NAV2: variants seen among roughly 807,000 people sequenced by gnomAD.
The protein encoded by NAV2 is neuron navigator 2.
In NAV2, 54 loss-of-function variants were observed where a neutral mutation model predicts 223.2. The observed-to-expected ratio is 0.24, with a 90% CI of 0.19 to 0.30. The LOEUF (loss-of-function observed/expected upper bound fraction) is 0.30. NAV2 is among the 10% of genes least tolerant of loss of function. The probability of loss-of-function intolerance (pLI) is 1.00; values close to 1 mark genes in which losing one functional copy is unlikely to be tolerated. For synonymous variants in NAV2, 1,279 were observed against 1,239.3 expected, an observed-to-expected ratio of 1.03 and a Z score of -0.67; for missense variants, 2,806 against 3,147.5, an observed-to-expected ratio of 0.89 and a Z score of 2.60.
chr11:19,739,738 T>C, intron 1 of NAV2, among the ~76,000 whole-genome samples: 1 of 152,208 alleles, frequency 6.6e-6, no homozygotes, highest in East Asian at 1.9e-4. Context: ...AACCTCTCTT[T>C]TGCTGGAGTC....
intron 6 of NAV2, among the ~76,000 whole-genome samples, chr11:19,920,738 C>T (rs2044209548): frequency 6.6e-6 from 1 of 152,148 alleles, no homozygotes; most frequent in Non-Finnish European, 1.5e-5. Context: ...TGGACTTGAA[C>T]CCATTCACAA....
At chr11:19,377,517 A>T (rs1407139852) in intron 1 of NAV2, among the ~76,000 whole-genome samples, 1 of 152,016 alleles carries the variant, frequency 6.6e-6, no homozygotes, top group Non-Finnish European at 1.5e-5. Flanking sequence ...CTCTCTCTCC[A>T]CTTGGCCATA....
At chr11:20,055,403 G>T (rs1376981349) in intron 18 of NAV2, among the ~76,000 whole-genome samples, 1 of 152,170 alleles carries the variant, frequency 6.6e-6, no homozygotes, top group Non-Finnish European at 1.5e-5. Context: ...ATGCACAAAT[G>T]CTTCCCATCT....
chr11:19,450,196 C>A (rs562741537), intron 1 of NAV2, among the ~76,000 whole-genome samples: 33 of 152,270 alleles, frequency 2.2e-4, no homozygotes, highest in African/African-American at 7.2e-4. Context: ...ATTTTTAAAA[C>A]CCCTCTTCTG....
At position 20,049,829 on chromosome 11, in the gene NAV2, C is replaced by A; in HGVS notation, c.4371-7C>A. Reference sequence around the variant, plus strand: ...TTCTCTTGTTTTCTACCTGCCTGGACTTCTAGCCCTCTCTCTTCCCCTGCT... The same window carrying A: ...TTCTCTTGTTTTCTACCTGCCTGGAATTCTAGCCCTCTCTCTTCCCCTGCT... On this transcript the variant is annotated splice_polypyrimidine_tract_variant and splice_region_variant and intron_variant, in intron 15 of 37. Transcript: ENST00000349880. The A allele has an allele frequency of 6.2e-7, 1 of 1,613,944 alleles. No individual in the cohort carries two copies. Among genetic ancestry groups the A allele is most frequent in the Non-Finnish European group, 8.5e-7 (1 of 1,179,836 alleles).
chr11:19,751,127 A>G (rs1439758869), intron 1 of NAV2, among the ~76,000 whole-genome samples: 9 of 152,198 alleles, frequency 5.9e-5, no homozygotes, highest in African/African-American at 1.7e-4. Flanking sequence ...AAATCAGAGC[A>G]TTTCTTTATC....
At chr11:19,402,721 G>A (rs574257068) in intron 1 of NAV2, among the ~76,000 whole-genome samples, 1 of 152,302 alleles carries the variant, frequency 6.6e-6, no homozygotes, top group African/African-American at 2.4e-5. Context: ...ATCTGTCCAT[G>A]TATACTCTTG....
chr11:19,698,827 AG>A (rs2049423017), intron 1 of NAV2, among the ~76,000 whole-genome samples: 1 of 152,110 alleles, frequency 6.6e-6, no homozygotes, highest in African/African-American at 2.4e-5. Flanking sequence ...TGAGAGAGAG[AG>A]AGTGTGTGTG....
rs139080046 is a variant in NAV2, at chr11:19,895,848, C to T, written c.931+3254C>T. On this transcript the variant is annotated intron_variant, in intron 6 of 37. Transcript: ENST00000349880. Reference sequence around the variant, plus strand: ...CTTGAGTCTGACCTGTTGATTGCAGCTCCTGAGGTAGCCAGCCCACATGCA... The same window carrying T: ...CTTGAGTCTGACCTGTTGATTGCAGTTCCTGAGGTAGCCAGCCCACATGCA... Among the ~76,000 whole-genome samples, 9 of 152,274 alleles carry T rather than the reference C, an allele frequency of 5.9e-5. No individual in the cohort carries two copies. In the East Asian group the frequency reaches 1.5e-3, roughly 26 times the overall value.
intron 7 of NAV2, among the ~76,000 whole-genome samples, chr11:19,936,477 G>A (rs1440140196): frequency 1.3e-5 from 2 of 152,164 alleles, no homozygotes; most frequent in Admixed American, 6.5e-5. Flanking sequence ...AGAGGAAAAC[G>A]TCTATGATGT....
At chr11:19,899,930 G>A (rs1210339994) in intron 6 of NAV2, among the ~76,000 whole-genome samples, 2 of 152,156 alleles carry the variant, frequency 1.3e-5, no homozygotes, top group Non-Finnish European at 2.9e-5. Context: ...CTGTGGTGGG[G>A]TAGGGCCTCC....
At chr11:19,626,571 A>G (rs561874274) in intron 1 of NAV2, among the ~76,000 whole-genome samples, 6 of 152,244 alleles carry the variant, frequency 3.9e-5, no homozygotes, top group African/African-American at 1.2e-4. Flanking sequence ...GAAGAATGTC[A>G]TTGGTATTTT....
chr11:19,892,677 T>A, intron 6 of NAV2, 83 bp downstream of exon 6: 1 of 1,452,404 alleles, frequency 6.9e-7, no homozygotes, highest in East Asian at 2.4e-5. Context: ...TTGGGTTGGG[T>A]CATGGGGAGG....
In NAV2 at chr11:20,026,301, A is replaced by T. The variant is rs181645139; in HGVS notation, c.2769-9658A>T. 1.3e-3 allele frequency among the ~76,000 whole-genome samples: 193 copies of T among 151,718 alleles called. 2 individuals are homozygous for T. Among genetic ancestry groups the T allele is most frequent in the African/African-American group, 2.4e-3 (98 of 41,380 alleles). ...GGTGGCTTGCTTATAGTTTTTTTTT[A>T]AATTTATTTTTTATTTTTATTTTTT... On this transcript the variant is annotated intron_variant, in intron 11 of 37. Coordinates refer to ENST00000349880, the MANE Select transcript of NAV2 (RefSeq NM_145117.5).
At chr11:20,005,449 T>A (rs1001762432) in intron 11 of NAV2, among the ~76,000 whole-genome samples, 4 of 151,896 alleles carry the variant, frequency 2.6e-5, no homozygotes, top group African/African-American at 7.3e-5. Flanking sequence ...TTTCACCTTG[T>A]TAGCCAAGCT....
At chr11:19,824,945 C>T (rs2059571271) in intron 1 of NAV2, among the ~76,000 whole-genome samples, 3 of 152,146 alleles carry the variant, frequency 2.0e-5, no homozygotes, top group South Asian at 4.1e-4. Context: ...ATTTTTTATA[C>T]TCCAGAGCAT....
chr11:20,005,253 A>ATATTTTTTTTTTT (rs1277010848), intron 11 of NAV2, among the ~76,000 whole-genome samples: 1 of 134,544 alleles, frequency 7.4e-6, no homozygotes, highest in Non-Finnish European at 1.6e-5. Flanking sequence ...ATATATATAT[A>ATATTTTTTTTTTT]TTTTTTTTTT....
intron 3 of NAV2, among the ~76,000 whole-genome samples, chr11:19,860,896 C>T (rs1237397167): frequency 5.4e-5 from 8 of 148,316 alleles, no homozygotes; most frequent in East Asian, 1.9e-4. Context: ...TCAGGCGTGG[C>T]GGCGCGCGCC....
At chr11:19,455,725 A>C (rs530069334) in intron 1 of NAV2, among the ~76,000 whole-genome samples, 8 of 152,340 alleles carry the variant, frequency 5.3e-5, no homozygotes, top group African/African-American at 1.7e-4. Context: ...CATGCTCTTC[A>C]AAACTATGAT....
Sources: gnomAD v4.1 joint callset for allele counts (sites outside exome capture counted in the v4.1 genomes callset) on GRCh38, gnomAD v4.1.1 for gene constraint, MANE v1.5 for transcripts, NCBI Gene and HGNC (gene_info 2026-07-23, HGNC 2026-07-21) for gene names.